Variants in PIGU observed in about 807,000 individuals in gnomAD.
PIGU encodes the protein GPI-anchor transamidase component PIGU.
In PIGU, 24 loss-of-function variants were observed where a neutral mutation model predicts 49.9. The ratio of observed to expected loss-of-function variants is 0.48; its 90% confidence interval spans 0.35 to 0.68. PIGU has a LOEUF of 0.68. Among genes scored for constraint, PIGU ranks in the 30% least tolerant of loss-of-function variants. The probability of loss-of-function intolerance (pLI) is 0.01; values close to 1 mark genes in which losing one functional copy is unlikely to be tolerated. For synonymous variants in PIGU, 220 were observed against 205.7 expected (o/e 1.07, Z -0.59); for missense variants, 490 against 532.6 (o/e 0.92, Z 0.79).
At chr20:34,578,712 G>A (rs150400566) in intron 10 of PIGU, among the ~76,000 whole-genome samples, 3 of 152,192 alleles carry the variant, frequency 2.0e-5, no homozygotes, top group Non-Finnish European at 4.4e-5. Context: ...TGCAGGAATG[G>A]GGAGCTGCTA....
At chr20:34,631,342 C>T (rs1350611069) in intron 6 of PIGU, among the ~76,000 whole-genome samples, 1 of 151,586 alleles carries the variant, frequency 6.6e-6, no homozygotes, top group Non-Finnish European at 1.5e-5. Context: ...AATCCAACAT[C>T]CAATAAACAT....
chr20:34,636,960 A>C (rs1404894411), intron 5 of PIGU, among the ~76,000 whole-genome samples: 2 of 152,234 alleles, frequency 1.3e-5, no homozygotes, highest in African/African-American at 4.8e-5. Context: ...TAAGAGATTC[A>C]TAAAGTTGCT....
At chr20:34,591,099 T>C (rs921096498) in intron 7 of PIGU, among the ~76,000 whole-genome samples, 5 of 151,832 alleles carry the variant, frequency 3.3e-5, no homozygotes, top group South Asian at 2.1e-4. Context: ...CAGATTGCCA[T>C]GGAAACATTA....
intron 1 of PIGU, among the ~76,000 whole-genome samples, chr20:34,658,111 GC>G (rs1986768898): frequency 6.6e-6 from 1 of 152,208 alleles, no homozygotes; most frequent in Admixed American, 6.5e-5. Context: ...TCCTGCCTCA[GC>G]CTGCCCAGTG....
intron 11 of PIGU, among the ~76,000 whole-genome samples, chr20:34,565,846 G>GCA (rs10660666): frequency 0.85 from 125,924 of 148,960 alleles, 53,209 homozygotes; most frequent in Admixed American, 0.91. Context: ...ACACACAGGT[G>GCA]CACACACACA....
chr20:34,674,905 G>A (rs1220596088), intron 1 of PIGU, among the ~76,000 whole-genome samples: 1 of 146,580 alleles, frequency 6.8e-6, no homozygotes, highest in African/African-American at 2.5e-5. Context: ...CATTATCACT[G>A]CACTCCAGCC....
intron 8 of PIGU, among the ~76,000 whole-genome samples, chr20:34,586,632 C>A (rs1983708209): frequency 6.6e-6 from 1 of 152,148 alleles, no homozygotes; most frequent in South Asian, 2.1e-4. Flanking sequence ...GCTTAGGGAG[C>A]AACCGAGTCT....
intron 6 of PIGU, among the ~76,000 whole-genome samples, chr20:34,626,749 CAAAA>C (rs1338284440): frequency 1.3e-5 from 2 of 151,806 alleles, no homozygotes; most frequent in African/African-American, 4.8e-5. Context: ...AGGCAAAAAA[CAAAA>C]AAAGCTTTCA....
chr20:34,572,218 T>C (rs1983042502), intron 11 of PIGU, among the ~76,000 whole-genome samples: 1 of 151,932 alleles, frequency 6.6e-6, no homozygotes, highest in Non-Finnish European at 1.5e-5. Flanking sequence ...CTAATTATTA[T>C]TTTTATTATT....
intron 11 of PIGU, among the ~76,000 whole-genome samples, chr20:34,564,249 A>T (rs1395809885): frequency 6.6e-6 from 1 of 152,236 alleles, no homozygotes; most frequent in Non-Finnish European, 1.5e-5. Context: ...TGACAAACAC[A>T]TCACGGTAAA....
At chr20:34,589,128 C>T (rs1281611749) in intron 7 of PIGU, among the ~76,000 whole-genome samples, 2 of 151,206 alleles carry the variant, frequency 1.3e-5, no homozygotes, top group African/African-American at 4.9e-5. Flanking sequence ...CACACACACA[C>T]ACACACACAC....
At position 34,644,154 on chromosome 20, in the gene PIGU, A is replaced by T. The variant is rs1600655168; in HGVS notation, c.318+10T>A. Reference sequence around the variant, plus strand: ...TTCCACCAGCTTTGCTCCACCCACAAACTACTTACCACAACTTTATTGAAG... The same window carrying T: ...TTCCACCAGCTTTGCTCCACCCACATACTACTTACCACAACTTTATTGAAG... On this transcript the variant is annotated intron_variant, in intron 4 of 11. Transcript: ENST00000217446. The T allele has an allele frequency of 1.2e-6, 2 of 1,601,226 alleles. No homozygotes were observed. The highest frequency in any genetic ancestry group is 1.7e-6 in the Non-Finnish European group (2 of 1,168,390).
At chr20:34,589,699 T>G (rs895163326) in intron 7 of PIGU, among the ~76,000 whole-genome samples, 2 of 121,920 alleles carry the variant, frequency 1.6e-5, no homozygotes, top group African/African-American at 3.1e-5. Flanking sequence ...CTCGTTGCCC[T>G]GGCTGGAGTG....
In PIGU at chr20:34,594,736, T is replaced by C. The variant is rs182621592; in HGVS notation, c.628-6129A>G. 5.8e-3 allele frequency among the ~76,000 whole-genome samples: 882 copies of C among 151,968 alleles called. 5 individuals are homozygous for C. The highest frequency in any genetic ancestry group is 0.02 in the African/African-American group (838 of 41,408). Reference sequence around the variant, plus strand: ...TTGCAGTGAGCCAAGATCGTGCTATTGCACTCCAGCTTGGGTGACAAGAGC... The same window carrying C: ...TTGCAGTGAGCCAAGATCGTGCTATCGCACTCCAGCTTGGGTGACAAGAGC... On this transcript the variant is annotated intron_variant, in intron 7 of 11. Transcript: ENST00000217446.
At chr20:34,673,775 C>T (rs1310414065) in intron 1 of PIGU, among the ~76,000 whole-genome samples, 1 of 152,220 alleles carries the variant, frequency 6.6e-6, no homozygotes, top group Non-Finnish European at 1.5e-5. Context: ...TACAGCTTGG[C>T]CGGGCGTGGT....
chr20:34,588,555 C>A lies in PIGU; in HGVS notation c.680G>T (p.Trp227Leu), dbSNP rs371895685. The change falls in exon 8 of 12, where the codon TGG (tryptophan) becomes TTG (leucine). Residue 227 changes from tryptophan (W) to leucine (L), a missense_variant. Physicochemically the swap from Trp to Leu is moderately conservative, Grantham distance 61. Coordinates refer to ENST00000217446, the MANE Select transcript of PIGU (RefSeq NM_080476.5). ...MKSKAFWIFS[W>L]EYAMMYVGSL... ...TCCCACATACATCATGGCATACTCC[C>A]AAGAAAAGATCCAGAAGGCTTTGCT... The A allele has an allele frequency of 1.0e-4, 163 of 1,613,858 alleles. 1 individual carries two copies. Among genetic ancestry groups the A allele is most frequent in the Non-Finnish European group, 1.3e-4 (148 of 1,179,884 alleles).
chr20:34,576,339 A>G (rs1237035939), intron 10 of PIGU, among the ~76,000 whole-genome samples: 3 of 152,250 alleles, frequency 2.0e-5, no homozygotes, highest in African/African-American at 7.2e-5. Flanking sequence ...TGGCTACATT[A>G]GTTTTCCATT....
chr20:34,607,893 G>C (rs891018471), intron 7 of PIGU, among the ~76,000 whole-genome samples: 2 of 152,100 alleles, frequency 1.3e-5, no homozygotes, highest in African/African-American at 4.8e-5. Context: ...TGGGACTATA[G>C]GTGTGAGCCA....
At chr20:34,603,985 A>G (rs1253363230) in intron 7 of PIGU, among the ~76,000 whole-genome samples, 1 of 152,108 alleles carries the variant, frequency 6.6e-6, no homozygotes, top group African/African-American at 2.4e-5. Context: ...CGCTCTGCCT[A>G]AAGGGGACAG....
Sources: gnomAD v4.1 joint callset for allele counts (sites outside exome capture counted in the v4.1 genomes callset) on GRCh38, gnomAD v4.1.1 for gene constraint, MANE v1.5 for transcripts, NCBI Gene and HGNC (gene_info 2026-07-23, HGNC 2026-07-21) for gene names.